PDE10A: variants seen among roughly 807,000 people sequenced by gnomAD.
The protein encoded by PDE10A is phosphodiesterase 10A, also known as cAMP and cAMP-inhibited cGMP 3',5'-cyclic phosphodiesterase 10A.
PDE10A carries 39 observed loss-of-function variants against 97.7 expected under a neutral mutation model. That is an observed-to-expected ratio of 0.40 (90% CI 0.31 to 0.52). The LOEUF (loss-of-function observed/expected upper bound fraction) is 0.52. Among genes scored for constraint, PDE10A ranks in the 20% least tolerant of loss-of-function variants. The probability of loss-of-function intolerance (pLI) is 0.56; values close to 1 mark genes in which losing one functional copy is unlikely to be tolerated. For synonymous variants in PDE10A, 371 were observed against 376.8 expected (o/e 0.98, Z 0.18); for missense variants, 731 against 1,047.8 (o/e 0.70, Z 4.17).
At chr6:165,983,421 G>GCC (rs1189709257) in intron 1 of PDE10A, among the ~76,000 whole-genome samples, 9 of 152,170 alleles carry the variant, frequency 5.9e-5, no homozygotes, top group African/African-American at 1.9e-4. Context: ...TGGTGGTAGG[G>GCC]AAGGAGGTGA....
At chr6:165,376,341 G>C (rs1172163590) in intron 18 of PDE10A, among the ~76,000 whole-genome samples, 2 of 152,200 alleles carry the variant, frequency 1.3e-5, no homozygotes, top group African/African-American at 4.8e-5. Context: ...GAACGGATGA[G>C]GTGCTTCTTA....
At position 165,788,532 on chromosome 6, in the gene PDE10A, A is replaced by AAG. The variant is rs1554321883; in HGVS notation, c.-615+198996_-615+198997insCT. ...AAACTCTGTCTCAAAAAAAAAAAAAAAAAAAAAGAAAAGAAAAGAAAAAGA... is the reference window on the plus strand; with the variant it reads ...AAACTCTGTCTCAAAAAAAAAAAAAAAGAAAAAAAGAAAAGAAAAGAAAAAGA... On this transcript the variant is annotated intron_variant, in intron 1 of 19. Transcript: ENST00000366882. 6.5e-3 allele frequency among the ~76,000 whole-genome samples: 981 copies of AAG among 150,386 alleles called. 12 individuals carry two copies. Among genetic ancestry groups the AAG allele is most frequent in the African/African-American group, 0.023 (954 of 40,946 alleles).
chr6:165,696,990 A>C (rs1167272168), intron 1 of PDE10A, among the ~76,000 whole-genome samples: 1 of 152,228 alleles, frequency 6.6e-6, no homozygotes, highest in African/African-American at 2.4e-5. Context: ...ATGCTAGCTG[A>C]AGAACAGAGA....
chr6:165,902,598 C>T (rs1195743216), intron 1 of PDE10A, among the ~76,000 whole-genome samples: 1 of 143,306 alleles, frequency 7.0e-6, no homozygotes, highest in Non-Finnish European at 1.5e-5. Context: ...CACTGGCTCA[C>T]TGACACTGGA....
At chr6:165,827,367 G>A (rs559173661) in intron 1 of PDE10A, among the ~76,000 whole-genome samples, 1 of 152,356 alleles carries the variant, frequency 6.6e-6, no homozygotes, top group African/African-American at 2.4e-5. Flanking sequence ...GGTGCCCGGT[G>A]ACAGCGCCAA....
intron 1 of PDE10A, among the ~76,000 whole-genome samples, chr6:165,619,101 A>G (rs1787885153): frequency 6.6e-6 from 1 of 151,698 alleles, no homozygotes; most frequent in Non-Finnish European, 1.5e-5. Flanking sequence ...AGTGTAGTGT[A>G]GTCTAGTGTA....
At chr6:165,829,145 T>C (rs1165589104) in intron 1 of PDE10A, among the ~76,000 whole-genome samples, 1 of 152,166 alleles carries the variant, frequency 6.6e-6, no homozygotes, top group Non-Finnish European at 1.5e-5. Context: ...GTGCTCCCAG[T>C]GTCCTTTTGA....
In PDE10A at chr6:165,580,637, A is replaced by G. The variant is rs115208549; in HGVS notation, c.866-37069T>C. ...GCAGGACTTATTTAATGGACTGAAT[A>G]TGGAGAGAGTGGTGAATGAGAATAA... On this transcript the variant is annotated intron_variant, in intron 1 of 21. Transcript: ENST00000539869. Among the ~76,000 whole-genome samples the G allele has an allele frequency of 9.5e-3, 1,452 of 152,342 alleles. 27 individuals are homozygous for G. The highest frequency in any genetic ancestry group is 0.033 in the African/African-American group (1,385 of 41,578).
chr6:165,837,417 T>C (rs1369149681), intron 1 of PDE10A, among the ~76,000 whole-genome samples: 1 of 152,228 alleles, frequency 6.6e-6, no homozygotes, highest in Admixed American at 6.5e-5. Flanking sequence ...TTTTCATTTA[T>C]TAATTTTCTT....
chr6:165,848,580 A>T (rs1293476334), intron 1 of PDE10A, among the ~76,000 whole-genome samples: 4 of 152,136 alleles, frequency 2.6e-5, no homozygotes, highest in African/African-American at 9.7e-5. Flanking sequence ...CAGCCCACAG[A>T]ACAGCCCTGG....
chr6:165,485,045 A>G (rs1285945372), intron 2 of PDE10A, among the ~76,000 whole-genome samples: 1 of 152,230 alleles, frequency 6.6e-6, no homozygotes, highest in Non-Finnish European at 1.5e-5. Context: ...AGTCCTACTT[A>G]AATTATGGGT....
In PDE10A at chr6:165,364,442, G is replaced by A. The variant is rs538620176; in HGVS notation, c.2783+14752C>T. On this transcript the variant is annotated intron_variant, in intron 18 of 21. Coordinates refer to ENST00000539869, the MANE Select transcript of PDE10A (RefSeq NM_001385079.1). Reference sequence around the variant, plus strand: ...TCTGGAATACTCATACCCCAAATATGTGAGAAGTAACCTTTTATAAGCCAC... The same window carrying A: ...TCTGGAATACTCATACCCCAAATATATGAGAAGTAACCTTTTATAAGCCAC... 1.6e-3 allele frequency among the ~76,000 whole-genome samples: 244 copies of A among 152,302 alleles called. 1 individual carries two copies. The highest frequency in any genetic ancestry group is 0.014 in the Middle Eastern group (4 of 294).
At chr6:165,334,585 C>T (rs1379463455) in intron 21 of PDE10A, among the ~76,000 whole-genome samples, 1 of 152,326 alleles carries the variant, frequency 6.6e-6, no homozygotes, top group East Asian at 1.9e-4. Context: ...GTTTAAACAA[C>T]ATCTTTGAAT....
At chr6:165,515,390 A>C (rs1466208889) in intron 2 of PDE10A, among the ~76,000 whole-genome samples, 1 of 151,940 alleles carries the variant, frequency 6.6e-6, no homozygotes, top group Non-Finnish European at 1.5e-5. Context: ...GAAATTCTAA[A>C]TTTTCTTGTA....
chr6:165,470,432 C>A (rs2128270497), intron 3 of PDE10A, among the ~76,000 whole-genome samples: 1 of 152,258 alleles, frequency 6.6e-6, no homozygotes, highest in Middle Eastern at 3.4e-3. Flanking sequence ...AACTTATTTG[C>A]ATTTTCATAA....
At chr6:165,888,755 G>C (rs188151147) in intron 1 of PDE10A, among the ~76,000 whole-genome samples, 1 of 152,214 alleles carries the variant, frequency 6.6e-6, no homozygotes, top group African/African-American at 2.4e-5. Context: ...GAAAAGCATG[G>C]TGAGAGTTAT....
intron 3 of PDE10A, among the ~76,000 whole-genome samples, chr6:165,467,680 T>C (rs1021239151): frequency 6.6e-6 from 1 of 152,224 alleles, no homozygotes; most frequent in Admixed American, 6.5e-5. Context: ...TGGTGGCTCA[T>C]GCCTGCAATC....
intron 1 of PDE10A, among the ~76,000 whole-genome samples, chr6:165,699,867 T>C (rs1197485093): frequency 2.0e-5 from 3 of 152,128 alleles, no homozygotes; most frequent in Non-Finnish European, 4.4e-5. Context: ...TAAATACTTA[T>C]ATTAGTAAAG....
chr6:165,327,922 C>T lies in PDE10A; in HGVS notation c.*5103G>A, dbSNP rs1022831174. 6.6e-6 allele frequency: 1 copy of T among 152,194 alleles called. No homozygotes were observed. The highest frequency in any genetic ancestry group is 1.5e-5 in the Non-Finnish European group (1 of 68,048). 9.4% of individuals were successfully genotyped at this position (152,194 alleles called of 1,614,324 possible). On this transcript the variant is annotated 3_prime_UTR_variant, in exon 22 of 22. Transcript: ENST00000539869. ...AGTTTTTGGTCAGCAAGATTATCAA[C>T]AGCAAACTCTTAGATGCCTTAGCTA...
Sources: gnomAD v4.1 joint callset for allele counts (sites outside exome capture counted in the v4.1 genomes callset) on GRCh38, gnomAD v4.1.1 for gene constraint, MANE v1.5 for transcripts, NCBI Gene and HGNC (gene_info 2026-07-23, HGNC 2026-07-21) for gene names.